The following WDFY3 variants were observed in gnomAD, a reference collection of about 807,000 sequenced individuals.
The protein encoded by WDFY3 is WD repeat and FYVE domain-containing protein 3.
In WDFY3, 66 loss-of-function variants were observed where a neutral mutation model predicts 409.6. That is an observed-to-expected ratio of 0.16 (90% CI 0.13 to 0.20). The LOEUF (loss-of-function observed/expected upper bound fraction) is 0.20, where lower values mean the gene tolerates loss of function less well. Ranked by LOEUF, WDFY3 falls within the 10% of genes least tolerant of loss-of-function variation. WDFY3 has a pLI of 1.00. For missense variants in WDFY3, 3,031 were observed against 4,298.1 expected, an observed-to-expected ratio of 0.71 and a Z score of 8.24; for synonymous variants, 1,521 against 1,537.1, an observed-to-expected ratio of 0.99 and a Z score of 0.25.
intron 13 of WDFY3, among the ~76,000 whole-genome samples, chr4:84,815,972 T>C (rs999436455): frequency 6.6e-6 from 1 of 152,144 alleles, no homozygotes; most frequent in Non-Finnish European, 1.5e-5. Context: ...TAAATTGTGA[T>C]TTTCTTTGAC....
intron 3 of WDFY3, among the ~76,000 whole-genome samples, chr4:84,877,251 C>T (rs1468063722): frequency 2.0e-5 from 3 of 152,198 alleles, no homozygotes; most frequent in African/African-American, 7.2e-5. Flanking sequence ...CTCCTGGGGG[C>T]TCTCCCCGTC....
chr4:84,699,044 G>GTTTTTTTTTTTTTTT (rs77818435), intron 56 of WDFY3, among the ~76,000 whole-genome samples: 1 of 143,268 alleles, frequency 7.0e-6, no homozygotes, highest in Non-Finnish European at 1.5e-5. Context: ...GAGGCAAACT[G>GTTTTTTTTTTTTTTT]TTTTTTTTTT....
chr4:84,863,276 T>A (rs1294496769), intron 3 of WDFY3, among the ~76,000 whole-genome samples: 1 of 152,208 alleles, frequency 6.6e-6, no homozygotes, highest in Non-Finnish European at 1.5e-5. Context: ...TAATTCTATT[T>A]TTAATTTCTT....
intron 4 of WDFY3, among the ~76,000 whole-genome samples, chr4:84,857,552 T>C (rs1759935589): frequency 6.6e-6 from 1 of 152,078 alleles, no homozygotes; most frequent in African/African-American, 2.4e-5. Context: ...AAAACAAAAA[T>C]AAGATTTAAA....
intron 19 of WDFY3, 32 bp downstream of exon 19, chr4:84,796,489 C>T: frequency 6.9e-7 from 1 of 1,439,656 alleles, no homozygotes; most frequent in African/African-American, 1.4e-5. Context: ...CGCATAAAAC[C>T]ATAAAGGTTG....
intron 4 of WDFY3, among the ~76,000 whole-genome samples, chr4:84,855,403 A>G (rs11936719): frequency 0.067 from 10,234 of 152,260 alleles, 462 homozygotes; most frequent in Admixed American, 0.13. Flanking sequence ...TTATTTTTAA[A>G]ATAATCATTT....
chr4:84,806,971 A>G (rs1016858289), intron 15 of WDFY3, among the ~76,000 whole-genome samples: 5 of 152,172 alleles, frequency 3.3e-5, no homozygotes, highest in Non-Finnish European at 5.9e-5. Context: ...CATTTGGTTA[A>G]TACTTAAAAA....
intron 16 of WDFY3, 52 bp downstream of exon 16, chr4:84,803,238 C>A (rs1295174391): frequency 6.6e-7 from 1 of 1,522,082 alleles, no homozygotes; most frequent in Non-Finnish European, 8.8e-7. Flanking sequence ...ATACTCACAT[C>A]CTTTCATTCA....
intron 9 of WDFY3, 132 bp from the exon 10 acceptor site, chr4:84,827,113 T>C (rs1754977747): frequency 5.7e-6 from 5 of 876,108 alleles, no homozygotes; most frequent in Non-Finnish European, 8.1e-6. Flanking sequence ...GAAAGAACAC[T>C]GGGGTCATTA....
chr4:84,685,583 G>A (rs1401015035), intron 62 of WDFY3, among the ~76,000 whole-genome samples: 2 of 152,174 alleles, frequency 1.3e-5, no homozygotes, highest in Non-Finnish European at 2.9e-5. Context: ...CAGTTACTCT[G>A]GGGCCTTAAT....
At chr4:84,890,317 C>T (rs1313613978) in intron 3 of WDFY3, among the ~76,000 whole-genome samples, 1 of 152,176 alleles carries the variant, frequency 6.6e-6, no homozygotes, top group Non-Finnish European at 1.5e-5. Flanking sequence ...CCAGGCTGGT[C>T]TTGAACTCCT....
At chr4:84,919,650 T>G (rs1768994220) in intron 2 of WDFY3, among the ~76,000 whole-genome samples, 1 of 152,132 alleles carries the variant, frequency 6.6e-6, no homozygotes. Context: ...ATCTAATGGT[T>G]TTATAAGGGA....
rs148906671 is a variant in WDFY3 at position 84,758,879 on chromosome 4, G to A, written c.5189-1718C>T. 9.7e-3 allele frequency among the ~76,000 whole-genome samples: 1,478 copies of A among 152,174 alleles called. 24 individuals carry two copies. The highest frequency in any genetic ancestry group is 0.033 in the African/African-American group (1,383 of 41,520). ...TGTTTTAGACATGAAGTCCTTGCCC[G>A]TGCCTATGTCCTGAATGGTAATGCC... On this transcript the variant is annotated intron_variant, in intron 32 of 67. Coordinates refer to ENST00000295888, the MANE Select transcript of WDFY3 (RefSeq NM_014991.6).
chr4:84,898,837 TAAG>T (rs1202031546), intron 2 of WDFY3, among the ~76,000 whole-genome samples: 1 of 152,202 alleles, frequency 6.6e-6, no homozygotes, highest in African/African-American at 2.4e-5. Flanking sequence ...ATGCTGTTCC[TAAG>T]AAGAATTCCA....
chr4:84,743,799 C>G lies in WDFY3; in HGVS notation c.5974G>C (p.Ala1992Pro), dbSNP rs754447338. 6.4e-7 allele frequency: 1 copy of G among 1,552,540 alleles called. No individual in the cohort carries two copies. Among genetic ancestry groups the G allele is most frequent in the Non-Finnish European group, 8.7e-7 (1 of 1,147,628 alleles). Residue 1992 changes from alanine to proline, a missense_variant and splice_region_variant, in exon 37 of 68, where the codon GCT becomes CCT. This residue lies in a region of WDFY3 where 314 missense variants were observed against 397.4 expected (regional missense o/e 0.79). Coordinates refer to ENST00000295888, the MANE Select transcript of WDFY3 (RefSeq NM_014991.6). ...QTPLIDLLLEASPERSTRTQQ... is the reference protein window; with the variant it reads ...QTPLIDLLLEPSPERSTRTQQ... ...GTTCTTGTAGACCTTTCAGGGGAAG[C>G]CTAATCAAGAAAATTTAGAATTAGA... is the stretch of plus-strand genomic sequence containing the variant.
intron 25 of WDFY3, among the ~76,000 whole-genome samples, chr4:84,782,501 T>C (rs1196167635): frequency 1.3e-5 from 2 of 152,162 alleles, no homozygotes; most frequent in African/African-American, 2.4e-5. Context: ...AAGCACCACA[T>C]GCATTAGGTA....
chr4:84,916,878 A>G (rs1207893420), intron 2 of WDFY3, among the ~76,000 whole-genome samples: 4 of 152,190 alleles, frequency 2.6e-5, no homozygotes, highest in Admixed American at 2.6e-4. Flanking sequence ...GCTGGCAAAC[A>G]TCTATAAGCT....
chr4:84,868,171 C>CAAAAAAAAAAA (rs70943375), intron 3 of WDFY3, among the ~76,000 whole-genome samples: 1 of 38,442 alleles, frequency 2.6e-5, no homozygotes, highest in African/African-American at 1.0e-4. Flanking sequence ...GACTCTGTCT[C>CAAAAAAAAAAA]AAAAAAAAAA....
intron 45 of WDFY3, among the ~76,000 whole-genome samples, chr4:84,725,015 C>T (rs995870083): frequency 6.6e-6 from 1 of 152,158 alleles, no homozygotes; most frequent in Non-Finnish European, 1.5e-5. Flanking sequence ...TAGGTCAGGC[C>T]TAAAGGTCCA....
Sources: allele counts gnomAD v4.1 joint callset (sites outside exome capture counted in the v4.1 genomes callset), GRCh38; gene constraint gnomAD v4.1.1; regional missense constraint gnomAD v4.1.1; transcripts MANE v1.5; gene names NCBI Gene and HGNC (gene_info 2026-07-23, HGNC 2026-07-21).